C2orf80: variants seen among roughly 807,000 people sequenced by gnomAD.
C2orf80 encodes uncharacterized protein C2orf80.
A neutral mutation model predicts 30.2 loss-of-function variants in C2orf80; 28 were observed. The ratio of observed to expected loss-of-function variants is 0.93; its 90% CI spans 0.69 to 1.27. The LOEUF (loss-of-function observed/expected upper bound fraction) is 1.27, where lower values mean the gene tolerates loss of function less well. Ranked by LOEUF, C2orf80 falls within the 50% of genes most tolerant of loss-of-function variation. C2orf80 has a pLI of 0.00. For synonymous variants in C2orf80, 80 were observed against 76.4 expected, an observed-to-expected ratio of 1.05 and a Z score of -0.24; for missense variants, 220 against 231.0, an observed-to-expected ratio of 0.95 and a Z score of 0.31.
chr2:208,176,921 GTATAC>G (rs1696332314), intron 6 of C2orf80, among the ~76,000 whole-genome samples: 1 of 96,870 alleles, frequency 1.0e-5, no homozygotes, highest in Non-Finnish European at 2.3e-5. Flanking sequence ...ATACATATCT[GTATAC>G]ATATGTATAC....
chr2:208,170,969 A>G lies in C2orf80; in HGVS notation c.549T>C (p.Phe183=). 1 of 1,614,056 alleles carries G rather than the reference A, an allele frequency of 6.2e-7. No individual in the cohort carries two copies. The highest frequency in any genetic ancestry group is 1.3e-5 in the African/African-American group (1 of 75,040). Reference sequence around the variant, plus strand: ...CTTTGTGCTTTGGCTGTGTGTCTGAAAACCTTTGTGATGATTTCCATTCTG... The same window carrying G: ...CTTTGTGCTTTGGCTGTGTGTCTGAGAACCTTTGTGATGATTTCCATTCTG... ...NATEWKSSQR[F]SDTQPKHKVT The change falls in exon 8 of 9, where the codon TTT becomes TTC. Residue 183 remains phenylalanine (F), a synonymous_variant. Transcript: ENST00000341287.
In C2orf80 at chr2:208,182,074, A is replaced by G. The variant is rs571591805; in HGVS notation, c.207-769T>C. 3.9e-5 allele frequency among the ~76,000 whole-genome samples: 6 copies of G among 152,196 alleles called. No individual in the cohort carries two copies. The East Asian group carries it at 7.7e-4, about 20-fold the overall frequency. ...TTACAGCTAAACCCTAACTGTTACA[A>G]CTCTCTAGGATCAGGTGTGTAGTCC... On this transcript the variant is annotated intron_variant, in intron 4 of 8. Coordinates refer to ENST00000341287, the MANE Select transcript of C2orf80 (RefSeq NM_001099334.3).
At chr2:208,171,863 T>A in intron 7 of C2orf80, 125 bp downstream of exon 7, 1 of 867,938 alleles carries the variant, frequency 1.2e-6, no homozygotes, top group Non-Finnish European at 2.0e-6. Context: ...CCCTGGTTCT[T>A]TTAAATTCAA....
At position 208,165,625 on chromosome 2, in the gene C2orf80, T is replaced by A; in HGVS notation, c.*182A>T. Reference sequence around the variant, plus strand: ...GTCACAGTTTTTTTTTTTAAGAAAATGTAGCCATGCAATATGCTTCTAAAA... The same window carrying A: ...GTCACAGTTTTTTTTTTTAAGAAAAAGTAGCCATGCAATATGCTTCTAAAA... On this transcript the variant is annotated 3_prime_UTR_variant, in exon 9 of 9. Transcript: ENST00000341287. 1.6e-6 allele frequency: 1 copy of A among 618,566 alleles called. No homozygotes were observed. The highest frequency in any genetic ancestry group is 2.6e-6 in the Non-Finnish European group (1 of 386,342). The allele number at this position is 618,566 out of a possible 1,614,324, so 38.3% of individuals were successfully genotyped here.
rs1047524318 is a variant in C2orf80, at chr2:208,183,058, G to A, written c.124-11C>T. On this transcript the variant is annotated splice_polypyrimidine_tract_variant and intron_variant, in intron 3 of 8. Coordinates refer to ENST00000341287, the MANE Select transcript of C2orf80 (RefSeq NM_001099334.3). ...CAAGTCATAGTGTGCCTGGGAGCAGGAAGCACAGAGAGCAAAGAAACAGGC... is the reference window on the plus strand; with the variant it reads ...CAAGTCATAGTGTGCCTGGGAGCAGAAAGCACAGAGAGCAAAGAAACAGGC... 13 of 1,611,824 alleles carry A rather than the reference G, an allele frequency of 8.1e-6. No homozygotes were observed. Among genetic ancestry groups the A allele is most frequent in the Non-Finnish European group, 1.0e-5 (12 of 1,178,002 alleles).
chr2:208,172,127 A>G, intron 6 of C2orf80, 52 bp from the exon 7 acceptor site: 1 of 1,349,412 alleles, frequency 7.4e-7, no homozygotes, highest in Non-Finnish European at 1.1e-6. Context: ...CTGCGGCATG[A>G]ACACCTGCTA....
At chr2:208,167,593 C>T (rs12464567) in intron 8 of C2orf80, among the ~76,000 whole-genome samples, 149,878 of 152,098 alleles carry the variant, frequency 0.99, 73,866 homozygotes, top group Middle Eastern at 1. Flanking sequence ...TTTGTTTGTT[C>T]TGAGACAGAG....
chr2:208,189,792 G>A, intron 1 of C2orf80, 161 bp downstream of exon 1: 1 of 633,816 alleles, frequency 1.6e-6, no homozygotes, highest in Non-Finnish European at 2.8e-6. Context: ...CAATTCCCTA[G>A]AAGTCAGAGC....
chr2:208,185,023 A>G lies in C2orf80; in HGVS notation c.51T>C (p.Tyr17=). ...CATTTTCCCGAAGTCTGATGCCAAT[A>G]TAATCTCCCCTTAAAAGCAAGAGAG... The part of the protein sequence containing the change: ...KKEMKKLLGD[Y]IGIRLRENEF... The change falls in exon 3 of 9, where the codon TAT becomes TAC. Residue 17 remains tyrosine (Y), a synonymous_variant. Coordinates refer to ENST00000341287, the MANE Select transcript of C2orf80 (RefSeq NM_001099334.3). 1 of 1,613,506 alleles carries G rather than the reference A, an allele frequency of 6.2e-7. No homozygotes were observed. The highest frequency in any genetic ancestry group is 8.5e-7 in the Non-Finnish European group (1 of 1,179,524).
In C2orf80 at chr2:208,177,264, A is replaced by C. The variant is rs185605535; in HGVS notation, c.366+3481T>G. On this transcript the variant is annotated intron_variant, in intron 6 of 8. Coordinates refer to ENST00000341287, the MANE Select transcript of C2orf80 (RefSeq NM_001099334.3). ...AGCAATAAACAAAATACAAGCGGCC[A>C]GACGTGGTGGCTCACGCCTGTAATC... 1.1e-3 allele frequency among the ~76,000 whole-genome samples: 159 copies of C among 151,284 alleles called. 5 individuals carry two copies. In the East Asian group the frequency reaches 0.03, roughly 28 times the overall value.
intron 6 of C2orf80, among the ~76,000 whole-genome samples, chr2:208,173,566 C>T (rs7608049): frequency 0.97 from 146,927 of 152,184 alleles, 71,092 homozygotes; most frequent in Non-Finnish European, 1. Context: ...CGGAGCTTGC[C>T]GTGAGCCGAG....
chr2:208,184,895 T>A, intron 3 of C2orf80, 56 bp downstream of exon 3: 1 of 1,391,574 alleles, frequency 7.2e-7, no homozygotes, highest in Non-Finnish European at 1.0e-6. Context: ...CCTTTTTCTG[T>A]CTCTTTAATA....
At chr2:208,177,800 CTTTATTTATTTA>C (rs371898869) in intron 6 of C2orf80, among the ~76,000 whole-genome samples, 5 of 147,074 alleles carry the variant, frequency 3.4e-5, no homozygotes, top group Admixed American at 6.8e-5. Context: ...CTTCTAGCAC[CTTTATTTATTTA>C]TTTATTTATT....
In C2orf80 at chr2:208,165,808, T is replaced by C. The variant is rs774792669; in HGVS notation, c.581A>G (p.Ter194TrpextTer47). Reference sequence around the variant, plus strand: ...GTTCCATGGTACAATTCCAATTTTCTAAGTGACCTGCAGAATAAAAGATGA... The same window carrying C: ...GTTCCATGGTACAATTCCAATTTTCCAAGTGACCTGCAGAATAAAAGATGA... ...SDTQPKHKVT* is the reference protein window; with the variant it reads ...SDTQPKHKVTW The change falls in exon 9 of 9, where the codon TAG becomes TGG. Residue 194 changes from the stop codon to tryptophan (W), a stop_lost. Transcript: ENST00000341287. 1 of 1,610,594 alleles carries C rather than the reference T, an allele frequency of 6.2e-7. No homozygotes were observed. Among genetic ancestry groups the C allele is most frequent in the Non-Finnish European group, 8.5e-7 (1 of 1,178,476 alleles).
chr2:208,189,897 CG>C, intron 1 of C2orf80, 55 bp downstream of exon 1: 1 of 702,286 alleles, frequency 1.4e-6, no homozygotes. Flanking sequence ...ACAGGTCTCT[CG>C]GGCTGTTCTA....
intron 3 of C2orf80, 28 bp downstream of exon 3, chr2:208,184,923 T>C (rs765855771): frequency 2.8e-5 from 44 of 1,563,880 alleles, no homozygotes; most frequent in Non-Finnish European, 3.8e-5. Context: ...AACACAAATA[T>C]GACTCGCATC....
chr2:208,186,988 T>C lies in C2orf80; in HGVS notation c.-2A>G. 6.2e-7 allele frequency: 1 copy of C among 1,614,058 alleles called. No homozygotes were observed. Among genetic ancestry groups the C allele is most frequent in the Non-Finnish European group, 8.5e-7 (1 of 1,179,890 alleles). On this transcript the variant is annotated 5_prime_UTR_variant, in exon 2 of 9. An upstream open reading frame in the 5' UTR loses its in-frame stop. Transcript: ENST00000341287. ...CTTCTTTATGAGCCTTCTTTCCATG[T>C]TAAAGGCTTAGCCAGCTGAGCAGGT...
At chr2:208,178,755 T>A (rs1386139805) in intron 6 of C2orf80, among the ~76,000 whole-genome samples, 1 of 151,456 alleles carries the variant, frequency 6.6e-6, no homozygotes, top group Middle Eastern at 3.4e-3. Flanking sequence ...TCCCTAAAAT[T>A]TTTTTTTAAT....
chr2:208,171,003 G>C lies in C2orf80; in HGVS notation c.515C>G (p.Ala172Gly), dbSNP rs767242309. Reference sequence around the variant, plus strand: ...TGATGATTTCCATTCTGTGGCATTTGCTTCCTTTGCAGAGATGCTGGTGGC... The same window carrying C: ...TGATGATTTCCATTCTGTGGCATTTCCTTCCTTTGCAGAGATGCTGGTGGC... ...KNATSISAKE[A>G]NATEWKSSQR... The change falls in exon 8 of 9, where the codon GCA becomes GGA. Residue 172 changes from alanine to glycine, a missense_variant. By Grantham distance (60) the Ala-to-Gly change is moderately conservative. Transcript: ENST00000341287. The C allele has an allele frequency of 6.2e-7, 1 of 1,614,120 alleles. No homozygotes were observed. The highest frequency in any genetic ancestry group is 8.5e-7 in the Non-Finnish European group (1 of 1,179,990).
Sources: allele counts gnomAD v4.1 joint callset (sites outside exome capture counted in the v4.1 genomes callset), GRCh38; gene constraint gnomAD v4.1.1; transcripts MANE v1.5; gene names NCBI Gene and HGNC (gene_info 2026-07-23, HGNC 2026-07-21).